METTL2B: variants seen among roughly 807,000 people sequenced by gnomAD.
METTL2B encodes methyltransferase 2B, tRNA N3-cytidine.
A neutral mutation model predicts 51.0 loss-of-function variants in METTL2B; 28 were observed. That is an observed-to-expected ratio of 0.55 (90% confidence interval 0.41 to 0.75). The LOEUF (loss-of-function observed/expected upper bound fraction) is 0.75, where lower values mean the gene tolerates loss of function less well. Among genes scored for constraint, METTL2B ranks in the 30% least tolerant of loss-of-function variants. The pLI is 0.00. For missense variants in METTL2B, 313 were observed against 460.7 expected (o/e 0.68, Z 2.93); for synonymous variants, 128 against 166.3 (o/e 0.77, Z 1.77).
intron 2 of METTL2B, among the ~76,000 whole-genome samples, chr7:128,478,458 C>CTAACA (rs1334335652): frequency 6.6e-6 from 1 of 151,564 alleles, no homozygotes; most frequent in Non-Finnish European, 1.5e-5. Context: ...ACCATGCTGG[C>CTAACA]CAGGATGGTC....
At chr7:128,490,250 G>T (rs1394977990) in intron 5 of METTL2B, among the ~76,000 whole-genome samples, 1 of 149,710 alleles carries the variant, frequency 6.7e-6, no homozygotes, top group Non-Finnish European at 1.5e-5. Flanking sequence ...TTGAAAGAAA[G>T]AAAGAAAGAA....
At chr7:128,487,676 A>C (rs911490268) in intron 4 of METTL2B, among the ~76,000 whole-genome samples, 5 of 152,202 alleles carry the variant, frequency 3.3e-5, no homozygotes, top group African/African-American at 1.2e-4. Flanking sequence ...GAAAGATGTA[A>C]TCGCCGCTGT....
chr7:128,482,974 A>T (rs984032985), intron 4 of METTL2B: 10 of 152,196 alleles, frequency 6.6e-5, no homozygotes, highest in Admixed American at 6.5e-4. Flanking sequence ...ATTAAGTAAA[A>T]CATTAGCCTC....
chr7:128,492,928 C>T (rs1792861328), intron 5 of METTL2B, among the ~76,000 whole-genome samples: 1 of 151,860 alleles, frequency 6.6e-6, no homozygotes, highest in African/African-American at 2.4e-5. Context: ...AAAGTATGTG[C>T]TGTCTCTCTC....
rs769038355 is a variant in METTL2B, at chr7:128,493,888, G to A, written c.754G>A (p.Gly252Ser). 2 of 1,611,976 alleles carry A rather than the reference G, an allele frequency of 1.2e-6. No homozygotes were observed. The highest frequency in any genetic ancestry group is 1.7e-6 in the Non-Finnish European group (2 of 1,179,360). ...AGAGAAGAGTTACCCAGTGCCCAAG[G>A]GCAGTCTTGATATTATCATTCTCAT... Reference protein sequence around the residue: ...DEEKSYPVPKGSLDIIILIFV... With the variant: ...DEEKSYPVPKSSLDIIILIFV... The change falls in exon 6 of 9, where the codon GGC becomes AGC. Residue 252 changes from glycine (G) to serine (S), a missense_variant. Around this residue, in one of 4 missense-constraint regions of METTL2B, gnomAD observed 138 missense variants for 187.6 expected, o/e 0.74. Transcript: ENST00000262432.
chr7:128,493,759 A>C lies in METTL2B; in HGVS notation c.670-45A>C, dbSNP rs763278402. ...AACAAGATAATCTTTTCTTTGGGCT[A>C]TGTTAATATTTTCTAACTTACTTGT... is the stretch of plus-strand genomic sequence containing the variant. On this transcript the variant is annotated intron_variant, in intron 5 of 8. Coordinates refer to ENST00000262432, the MANE Select transcript of METTL2B (RefSeq NM_018396.3). 4.4e-6 allele frequency: 7 copies of C among 1,578,122 alleles called. No homozygotes were observed. In the Admixed American group the frequency reaches 7.7e-5, roughly 17 times the overall value.
chr7:128,491,379 T>C (rs1792826825), intron 5 of METTL2B, among the ~76,000 whole-genome samples: 1 of 151,990 alleles, frequency 6.6e-6, no homozygotes, highest in Non-Finnish European at 1.5e-5. Context: ...GCAGATCATC[T>C]GAGGTCAAGA....
chr7:128,496,210 A>G (rs1019308488), intron 6 of METTL2B, among the ~76,000 whole-genome samples: 1 of 152,210 alleles, frequency 6.6e-6, no homozygotes, highest in Non-Finnish European at 1.5e-5. Context: ...AGGCATATGC[A>G]GGATAACCCA....
intron 5 of METTL2B, among the ~76,000 whole-genome samples, chr7:128,489,629 C>CT (rs71160655): frequency 0.71 from 78,998 of 110,818 alleles, 29,528 homozygotes; most frequent in Middle Eastern, 0.8. Context: ...CTGGCAATTT[C>CT]TTTTTTTTTT....
intron 6 of METTL2B, among the ~76,000 whole-genome samples, chr7:128,496,813 CT>C (rs1287119778): frequency 6.6e-6 from 1 of 151,782 alleles, no homozygotes; most frequent in Non-Finnish European, 1.5e-5. Context: ...CAGAGTTTCG[CT>C]CTTGTTGCCC....
At chr7:128,493,225 T>A (rs1428324857) in intron 5 of METTL2B, among the ~76,000 whole-genome samples, 1 of 152,096 alleles carries the variant, frequency 6.6e-6, no homozygotes, top group African/African-American at 2.4e-5. Flanking sequence ...TTTCTTTTCT[T>A]TTTTTAGACG....
Position 128,505,953 on chromosome 7 carries a change from C to T in METTL2B, c.*4037C>T, listed in dbSNP as rs532364153. The T allele has an allele frequency of 1.5e-4, 23 of 152,340 alleles. No individual in the cohort carries two copies. Among genetic ancestry groups the T allele is most frequent in the African/African-American group, 5.1e-4 (21 of 41,562 alleles). The allele number at this position is 152,340 out of a possible 1,614,324, so 9.4% of individuals were successfully genotyped here. On this transcript the variant is annotated 3_prime_UTR_variant, in exon 9 of 9. Transcript: ENST00000262432. The stretch of plus-strand genomic sequence containing the variant: ...CAAGTGATTCTCCCACCCCAGCCTC[C>T]CAAGTAGATGGGACTACAGGCATGT...
In METTL2B at chr7:128,502,463, G is replaced by A. The variant is rs1463105021; in HGVS notation, c.*547G>A. ...GCAATTGCAGTTAATACATACAGGG[G>A]TTAGTGAAGGGCTTATTAAGTTGTA... On this transcript the variant is annotated 3_prime_UTR_variant, in exon 9 of 9. Transcript: ENST00000262432. The A allele has an allele frequency of 2.6e-6, 1 of 385,324 alleles. No individual in the cohort carries two copies. The highest frequency in any genetic ancestry group is 2.2e-5 in the African/African-American group (1 of 46,436). 23.9% of individuals were successfully genotyped at this position (385,324 alleles called of 1,614,324 possible).
At chr7:128,497,812 C>T (rs1350626072) in intron 6 of METTL2B, among the ~76,000 whole-genome samples, 1 of 152,202 alleles carries the variant, frequency 6.6e-6, no homozygotes, top group Non-Finnish European at 1.5e-5. Context: ...ATGGCAGAAG[C>T]AGGCTGTCCT....
intron 2 of METTL2B, chr7:128,477,955 A>G (rs780559757): frequency 2.2e-6 from 1 of 450,398 alleles, no homozygotes; most frequent in Non-Finnish European, 4.5e-6. Flanking sequence ...ATAGTTAAAG[A>G]CACTTGGACC....
intron 4 of METTL2B, among the ~76,000 whole-genome samples, chr7:128,484,359 G>T (rs957008564): frequency 6.6e-6 from 1 of 150,642 alleles, no homozygotes; most frequent in Non-Finnish European, 1.5e-5. Context: ...CAAGTAGCTG[G>T]GACAACAGGC....
intron 4 of METTL2B, among the ~76,000 whole-genome samples, chr7:128,485,858 G>A (rs1320917687): frequency 6.6e-6 from 1 of 152,102 alleles, no homozygotes; most frequent in African/African-American, 2.4e-5. Flanking sequence ...TGTTTACATA[G>A]CATTTATATT....
chr7:128,483,733 T>G (rs1792620520), intron 4 of METTL2B, among the ~76,000 whole-genome samples: 1 of 151,830 alleles, frequency 6.6e-6, no homozygotes, highest in Non-Finnish European at 1.5e-5. Flanking sequence ...ATTGATTGAT[T>G]GGTTGATTGA....
At chr7:128,484,232 T>TTTTTTTTTTTTGTTTTTTTTTTTTTG (rs1584790609) in intron 4 of METTL2B, 7 of 83,566 alleles carry the variant, frequency 8.4e-5, no homozygotes, top group African/African-American at 3.5e-4. Context: ...TTTTTTTTTT[T>TTTTTTTTTTTTGTTTTTTTTTTTTTG]TTTTTTTTTT....
Sources: gnomAD v4.1 joint callset for allele counts (sites outside exome capture counted in the v4.1 genomes callset) on GRCh38, gnomAD v4.1.1 for gene constraint, gnomAD v4.1.1 regional missense constraint, MANE v1.5 for transcripts, NCBI Gene and HGNC (gene_info 2026-07-23, HGNC 2026-07-21) for gene names.